Variants in TRPC5 observed in about 807,000 individuals in gnomAD.
TRPC5 encodes short transient receptor potential channel 5.
Under a neutral mutation model 56.5 loss-of-function variants are expected in TRPC5, and 9 were observed. That is an observed-to-expected ratio of 0.16 (90% CI 0.10 to 0.28). The LOEUF (loss-of-function observed/expected upper bound fraction) is 0.28, where lower values mean the gene tolerates loss of function less well. Among genes scored for constraint, TRPC5 ranks in the 10% least tolerant of loss-of-function variants. The pLI is 1.00. For missense variants in TRPC5, 469 were observed against 748.9 expected (o/e 0.63, Z 4.36); for synonymous variants, 282 against 278.5 (o/e 1.01, Z -0.13).
At chrX:112,012,818 A>G (rs1929025813) in intron 1 of TRPC5, among the ~76,000 whole-genome samples, 1 of 111,633 alleles carries the variant, frequency 9.0e-6, no homozygotes, top group Non-Finnish European at 1.9e-5. Flanking sequence ...AAGGTTATTG[A>G]GGGGTTCCTC....
At chrX:111,832,072 A>T (rs756454958) in intron 7 of TRPC5, among the ~76,000 whole-genome samples, 31 of 111,703 alleles carry the variant, frequency 2.8e-4, no homozygotes, top group Non-Finnish European at 5.1e-4. Flanking sequence ...GCTAATTGTC[A>T]ATAACAATAA....
At chrX:111,881,619 G>T (rs1401347588) in intron 3 of TRPC5, among the ~76,000 whole-genome samples, 1 of 111,478 alleles carries the variant, frequency 9.0e-6, no homozygotes, top group South Asian at 3.8e-4. Context: ...TTTCTTGGGG[G>T]TGTCAATTCA....
At chrX:111,934,143 C>CTA (rs200458908) in intron 2 of TRPC5, among the ~76,000 whole-genome samples, 3,288 of 110,121 alleles carry the variant, frequency 0.03, 134 homozygotes, top group African/African-American at 0.1. Context: ...TCCCATTTGT[C>CTA]TTTTTGCTCT....
rs918227266 is a variant in TRPC5 at position 111,826,231 on chromosome X, C to T, written c.1896+8690G>A. On this transcript the variant is annotated intron_variant, in intron 7 of 10. Transcript: ENST00000262839. ...TTGTTTTACTCATGTCAGACTTTTCCCTCTAAACTAGACTACAAGCTTCCT... is the reference window on the plus strand; with the variant it reads ...TTGTTTTACTCATGTCAGACTTTTCTCTCTAAACTAGACTACAAGCTTCCT... Among the ~76,000 whole-genome samples the T allele has an allele frequency of 5.4e-5, 6 of 111,851 alleles. No homozygotes were observed. In the East Asian group the frequency reaches 1.7e-3, roughly 32 times the overall value.
chrX:111,837,394 G>A (rs1166346444), intron 6 of TRPC5, among the ~76,000 whole-genome samples: 1 of 111,691 alleles, frequency 9.0e-6, no homozygotes, highest in Non-Finnish European at 1.9e-5. Context: ...GCAGTAAATA[G>A]CACAAGCAGC....
At chrX:111,966,557 G>C (rs1372203013) in intron 1 of TRPC5, among the ~76,000 whole-genome samples, 2 of 111,326 alleles carry the variant, frequency 1.8e-5, no homozygotes, top group African/African-American at 3.3e-5. Context: ...TATCCTTGAT[G>C]AACATTGATG....
chrX:111,780,710 A>T (rs982383720), intron 9 of TRPC5, among the ~76,000 whole-genome samples: 1 of 111,891 alleles, frequency 8.9e-6, no homozygotes, highest in Non-Finnish European at 1.9e-5. Flanking sequence ...ACACAGTTCA[A>T]TCCTCTGTTG....
At chrX:112,065,465 C>T (rs185675911) in intron 1 of TRPC5, among the ~76,000 whole-genome samples, 38 of 112,089 alleles carry the variant, frequency 3.4e-4, no homozygotes, top group Non-Finnish European at 5.8e-4. Context: ...TCTCTATCCT[C>T]GATTTAGGAT....
intron 1 of TRPC5, among the ~76,000 whole-genome samples, chrX:111,994,319 T>A (rs1928455392): frequency 8.9e-6 from 1 of 111,788 alleles, no homozygotes; most frequent in Non-Finnish European, 1.9e-5. Flanking sequence ...TGTAGTATAG[T>A]TTGAAGTCAG....
At chrX:111,962,662 A>T (rs988169855) in intron 1 of TRPC5, among the ~76,000 whole-genome samples, 3 of 112,673 alleles carry the variant, frequency 2.7e-5, no homozygotes, top group Admixed American at 1.9e-4. Flanking sequence ...CATATTACAT[A>T]AACTTAGTTG....
intron 1 of TRPC5, among the ~76,000 whole-genome samples, chrX:112,037,455 TCTGA>T (rs754756585): frequency 7.6e-4 from 85 of 112,039 alleles, no homozygotes; most frequent in African/African-American, 2.6e-3. Flanking sequence ...TCCTCTAGAA[TCTGA>T]CTATTTTATT....
Position 111,869,346 on chromosome X carries a change from T to C in TRPC5, c.901-15240A>G, listed in dbSNP as rs987096712. Among the ~76,000 whole-genome samples, 3 of 111,866 alleles carry C rather than the reference T, an allele frequency of 2.7e-5. No homozygotes were observed. In the East Asian group the frequency reaches 8.4e-4, roughly 31 times the overall value. ...TTTTATTTTTTAAAAAGAAGATATGTTCTTACCCAAGGATTACTGAGACAT... is the reference window on the plus strand; with the variant it reads ...TTTTATTTTTTAAAAAGAAGATATGCTCTTACCCAAGGATTACTGAGACAT... On this transcript the variant is annotated intron_variant, in intron 3 of 10. Coordinates refer to ENST00000262839, the MANE Select transcript of TRPC5 (RefSeq NM_012471.3).
intron 1 of TRPC5, among the ~76,000 whole-genome samples, chrX:112,065,539 AGT>A (rs1930563285): frequency 8.9e-6 from 1 of 111,859 alleles, no homozygotes; most frequent in Non-Finnish European, 1.9e-5. Context: ...CTTTCCCTTG[AGT>A]ATTATGACAT....
intron 3 of TRPC5, among the ~76,000 whole-genome samples, chrX:111,890,880 C>G (rs776043078): frequency 4.5e-5 from 5 of 111,046 alleles, no homozygotes; most frequent in Admixed American, 9.6e-5. Context: ...CACCCTCGAC[C>G]CTCTGATAGG....
At chrX:111,908,028 C>T (rs1925687759) in intron 3 of TRPC5, among the ~76,000 whole-genome samples, 1 of 111,676 alleles carries the variant, frequency 9.0e-6, no homozygotes, top group African/African-American at 3.3e-5. Flanking sequence ...AAAAACACAA[C>T]CCCAAAAAGG....
chrX:111,989,823 T>C (rs1473470911), intron 1 of TRPC5, among the ~76,000 whole-genome samples: 1 of 112,411 alleles, frequency 8.9e-6, no homozygotes, highest in African/African-American at 3.2e-5. Flanking sequence ...GCATACTGTA[T>C]GATATCTTTG....
intron 7 of TRPC5, among the ~76,000 whole-genome samples, chrX:111,784,504 C>T (rs1056364957): frequency 6.3e-5 from 7 of 111,365 alleles, no homozygotes; most frequent in East Asian, 2.9e-4. Flanking sequence ...CCAGCGTGAT[C>T]GACACAGAAG....
intron 1 of TRPC5, among the ~76,000 whole-genome samples, chrX:112,059,699 A>G (rs1044448038): frequency 8.9e-6 from 1 of 112,009 alleles, no homozygotes; most frequent in Non-Finnish European, 1.9e-5. Context: ...ATTTTCACCT[A>G]TGTGTTTCTC....
chrX:112,017,395 A>G (rs1381854993), intron 1 of TRPC5, among the ~76,000 whole-genome samples: 1 of 111,024 alleles, frequency 9.0e-6, no homozygotes, highest in African/African-American at 3.3e-5. Context: ...TACAAACTAA[A>G]TGTCTGAGGC....
Sources: gnomAD v4.1 joint callset for allele counts (sites outside exome capture counted in the v4.1 genomes callset) on GRCh38, gnomAD v4.1.1 for gene constraint, MANE v1.5 for transcripts, NCBI Gene and HGNC (gene_info 2026-07-23, HGNC 2026-07-21) for gene names.